EIF3K: variants seen among roughly 807,000 people sequenced by gnomAD.
EIF3K encodes eIF-3 p28.
In EIF3K, 27 loss-of-function variants were observed where a neutral mutation model predicts 34.2. The observed-to-expected ratio is 0.79, with a 90% CI of 0.58 to 1.09. EIF3K has a LOEUF of 1.09. EIF3K is among the 50% of genes least tolerant of loss of function. The probability of loss-of-function intolerance (pLI) is 0.00; values close to 1 mark genes in which losing one functional copy is unlikely to be tolerated. For missense variants in EIF3K, 232 were observed against 275.4 expected (o/e 0.84, Z 1.11); for synonymous variants, 105 against 105.7 (o/e 0.99, Z 0.04).
intron 4 of EIF3K, among the ~76,000 whole-genome samples, chr19:38,629,493 G>A (rs1027529510): frequency 6.6e-6 from 1 of 151,992 alleles, no homozygotes; most frequent in African/African-American, 2.4e-5. Flanking sequence ...GTTGGATTTC[G>A]CCATGTTGAC....
intron 2 of EIF3K, among the ~76,000 whole-genome samples, chr19:38,623,572 T>C (rs1421981971): frequency 6.6e-6 from 1 of 152,206 alleles, no homozygotes; most frequent in Non-Finnish European, 1.5e-5. Context: ...CCCAAAGTGC[T>C]GGGATTACAG....
chr19:38,631,857 C>G (rs577284291), intron 4 of EIF3K, among the ~76,000 whole-genome samples: 2 of 152,106 alleles, frequency 1.3e-5, no homozygotes, highest in Non-Finnish European at 2.9e-5. Context: ...TGATGACTCT[C>G]AAGGAGCATG....
chr19:38,627,501 C>T (rs1229866368), intron 4 of EIF3K, among the ~76,000 whole-genome samples: 1 of 151,796 alleles, frequency 6.6e-6, no homozygotes, highest in African/African-American at 2.4e-5. Flanking sequence ...ACTGTCTTAA[C>T]TAAAAATACA....
At chr19:38,632,372 AAAAT>A in intron 4 of EIF3K, 54 bp from the exon 5 acceptor site, 1 of 1,546,630 alleles carries the variant, frequency 6.5e-7, no homozygotes, top group Non-Finnish European at 8.9e-7. Context: ...TAAATAAATA[AAAAT>A]AAAAGCAAAT....
chr19:38,635,226 TG>T, intron 7 of EIF3K, 108 bp downstream of exon 7: 23 of 1,494,646 alleles, frequency 1.5e-5, no homozygotes, highest in Non-Finnish European at 2.0e-5. Flanking sequence ...TGTTCTGGGC[TG>T]GGAAGTCTGC....
At chr19:38,628,990 A>G (rs1038013206) in intron 4 of EIF3K, among the ~76,000 whole-genome samples, 2 of 152,156 alleles carry the variant, frequency 1.3e-5, no homozygotes, top group Non-Finnish European at 2.9e-5. Context: ...AAATGGAAGC[A>G]GCCACTGTAG....
chr19:38,634,854 C>T, intron 6 of EIF3K, 139 bp from the exon 7 acceptor site: 1 of 1,263,688 alleles, frequency 7.9e-7, no homozygotes, highest in Non-Finnish European at 1.1e-6. Context: ...GAGACCAGGC[C>T]AGCTGCTGCT....
intron 2 of EIF3K, among the ~76,000 whole-genome samples, chr19:38,623,339 T>G (rs1164009793): frequency 6.6e-6 from 1 of 152,206 alleles, no homozygotes; most frequent in Non-Finnish European, 1.5e-5. Flanking sequence ...CAGCTAATTT[T>G]TGTATTTTTA....
chr19:38,631,056 C>T (rs1976054242), intron 4 of EIF3K: 1 of 152,292 alleles, frequency 6.6e-6, no homozygotes. Context: ...AGTGATCCAC[C>T]CACCTCAGCC....
chr19:38,626,713 C>T (rs536691068), intron 4 of EIF3K, among the ~76,000 whole-genome samples: 1 of 152,328 alleles, frequency 6.6e-6, no homozygotes, highest in Non-Finnish European at 1.5e-5. Context: ...AACCTGGCCC[C>T]CCACTTCTGC....
chr19:38,620,166 T>G (rs1975808261), intron 1 of EIF3K, among the ~76,000 whole-genome samples, 171 bp from the exon 2 acceptor site: 1 of 152,066 alleles, frequency 6.6e-6, no homozygotes, highest in African/African-American at 2.4e-5. Context: ...AAGAATAAGT[T>G]TTACTAGAGA....
rs77896952 is a variant in EIF3K, at chr19:38,619,475, C to T, written c.59+148C>T. 1,872 of 911,062 alleles carry T rather than the reference C, an allele frequency of 2.1e-3. 27 individuals carry two copies. The African/African-American group carries it at 0.027, about 13-fold the overall frequency. 56.4% of individuals were successfully genotyped at this position (911,062 alleles called of 1,614,324 possible). Reference sequence around the variant, plus strand: ...GAGGAGGAGATGCTTAAAGAAACGGCACTGAGCTGGGGGTAGTGGCTCACG... The same window carrying T: ...GAGGAGGAGATGCTTAAAGAAACGGTACTGAGCTGGGGGTAGTGGCTCACG... On this transcript the variant is annotated intron_variant, in intron 1 of 7. Transcript: ENST00000248342.
chr19:38,632,214 G>C, intron 4 of EIF3K: 1 of 526,538 alleles, frequency 1.9e-6, no homozygotes, highest in South Asian at 2.2e-5. Flanking sequence ...CCAGGAGTTT[G>C]AGATCAGCCT....
At chr19:38,628,230 C>T (rs1362700310) in intron 4 of EIF3K, among the ~76,000 whole-genome samples, 1 of 152,022 alleles carries the variant, frequency 6.6e-6, no homozygotes, top group Non-Finnish European at 1.5e-5. Context: ...AAAATTAATA[C>T]TGATACTTGG....
At chr19:38,632,242 C>G (rs1290844649) in intron 4 of EIF3K, 188 bp from the exon 5 acceptor site, 2 of 585,494 alleles carry the variant, frequency 3.4e-6, no homozygotes, top group African/African-American at 3.7e-5. Flanking sequence ...ATAGTGAGAC[C>G]TCGTCTATGT....
chr19:38,620,316 C>A (rs2144759014), intron 1 of EIF3K, 21 bp from the exon 2 acceptor site: 2 of 1,609,742 alleles, frequency 1.2e-6, no homozygotes, highest in Non-Finnish European at 1.7e-6. Flanking sequence ...TCTGTGCTCA[C>A]CTATCTTGAT....
intron 2 of EIF3K, among the ~76,000 whole-genome samples, chr19:38,623,844 C>T (rs1975893141): frequency 6.6e-6 from 1 of 152,236 alleles, no homozygotes; most frequent in Non-Finnish European, 1.5e-5. Context: ...TTATAAATCA[C>T]TTAGCAGTGT....
Position 38,619,263 on chromosome 19 carries a change from GA to G in EIF3K, c.-4del. The G allele has an allele frequency of 6.2e-7, 1 of 1,614,018 alleles. No individual in the cohort carries two copies. Among genetic ancestry groups the G allele is most frequent in the Non-Finnish European group, 8.5e-7 (1 of 1,179,914 alleles). Reference sequence around the variant, plus strand: ...CCAGCCCTGGTTGTGGAAGGCGACAGAAGTCATGGCGATGTTTGAGCAGATG... The same window carrying G: ...CCAGCCCTGGTTGTGGAAGGCGACAGAGTCATGGCGATGTTTGAGCAGATG... On this transcript the variant is annotated 5_prime_UTR_variant, in exon 1 of 8. Transcript: ENST00000248342.
chr19:38,624,293 A>G, intron 3 of EIF3K, 96 bp downstream of exon 3: 1 of 1,554,376 alleles, frequency 6.4e-7, no homozygotes, highest in Non-Finnish European at 8.7e-7. Context: ...TGTATCCACA[A>G]ACAACAAGTG....
Sources: gnomAD v4.1 joint callset for allele counts (sites outside exome capture counted in the v4.1 genomes callset) on GRCh38, gnomAD v4.1.1 for gene constraint, MANE v1.5 for transcripts, NCBI Gene and HGNC (gene_info 2026-07-23, HGNC 2026-07-21) for gene names.